Variants in PDE1C observed in about 807,000 individuals in gnomAD.
The protein encoded by PDE1C is phosphodiesterase 1C.
In PDE1C, 62 loss-of-function variants were observed where a neutral mutation model predicts 93.1. The observed-to-expected ratio is 0.67, with a 90% CI of 0.54 to 0.82. The LOEUF (loss-of-function observed/expected upper bound fraction) is 0.82, where lower values mean the gene tolerates loss of function less well. PDE1C is among the 40% of genes least tolerant of loss of function. The pLI is 0.00. For synonymous variants in PDE1C, 325 were observed against 310.1 expected (o/e 1.05, Z -0.50); for missense variants, 742 against 884.6 (o/e 0.84, Z 2.04).
chr7:32,285,586 G>A (rs186543276), intron 1 of PDE1C, among the ~76,000 whole-genome samples: 2 of 151,844 alleles, frequency 1.3e-5, no homozygotes, highest in Non-Finnish European at 2.9e-5. Flanking sequence ...TTGTTGAATT[G>A]TACTCTTAAA....
intron 2 of PDE1C, among the ~76,000 whole-genome samples, chr7:31,898,403 G>T (rs933903711): frequency 6.6e-6 from 1 of 152,014 alleles, no homozygotes; most frequent in Non-Finnish European, 1.5e-5. Context: ...TTGATAGTAT[G>T]CTTTAACACT....
chr7:32,009,625 T>C (rs1786798367), intron 2 of PDE1C, among the ~76,000 whole-genome samples: 1 of 152,234 alleles, frequency 6.6e-6, no homozygotes, highest in Non-Finnish European at 1.5e-5. Context: ...AGATCAGCAA[T>C]GAGACAAGGA....
intron 2 of PDE1C, among the ~76,000 whole-genome samples, chr7:31,972,215 T>A (rs1178532717): frequency 6.6e-6 from 1 of 152,246 alleles, no homozygotes. Context: ...TAAAAGGGAA[T>A]AGAACATTGT....
chr7:31,985,785 G>A (rs1783323046), intron 2 of PDE1C, among the ~76,000 whole-genome samples: 1 of 152,162 alleles, frequency 6.6e-6, no homozygotes, highest in African/African-American at 2.4e-5. Context: ...ATTCCATGGT[G>A]TATGTGTGTC....
intron 5 of PDE1C, among the ~76,000 whole-genome samples, chr7:31,873,883 C>T (rs562814735): frequency 2.0e-5 from 3 of 152,336 alleles, no homozygotes; most frequent in Admixed American, 6.5e-5. Flanking sequence ...TAATTCACTA[C>T]AGCCTACGAT....
At chr7:32,122,019 G>C (rs1799327887) in intron 3 of PDE1C, among the ~76,000 whole-genome samples, 1 of 152,188 alleles carries the variant, frequency 6.6e-6, no homozygotes, top group South Asian at 2.1e-4. Flanking sequence ...TAAGGGGAAG[G>C]AGGAAAATTT....
chr7:32,409,695 C>T (rs1023494035), intron 1 of PDE1C, among the ~76,000 whole-genome samples: 1 of 151,972 alleles, frequency 6.6e-6, no homozygotes. Flanking sequence ...ATTTGACAAA[C>T]CTCAACTCCT....
intron 7 of PDE1C, among the ~76,000 whole-genome samples, chr7:31,855,219 A>G (rs1793863397): frequency 6.6e-6 from 1 of 152,004 alleles, no homozygotes; most frequent in South Asian, 2.1e-4. Context: ...GCTCTGGGGG[A>G]AAATCTGCTC....
intron 2 of PDE1C, among the ~76,000 whole-genome samples, chr7:31,893,144 G>A (rs919423773): frequency 2.0e-5 from 3 of 152,170 alleles, no homozygotes; most frequent in African/African-American, 7.2e-5. Flanking sequence ...AAGGGAGTGA[G>A]GGAGTGAGGG....
the PDE1C span, among the ~76,000 whole-genome samples, chr7:31,706,737 C>A: frequency 6.6e-6 from 1 of 152,194 alleles, no homozygotes; most frequent in African/African-American, 2.4e-5. Context: ...CATTTACTTG[C>A]TCTGGGTTAA....
the PDE1C span, among the ~76,000 whole-genome samples, chr7:31,723,613 A>G: frequency 6.6e-6 from 1 of 152,172 alleles, no homozygotes; most frequent in Non-Finnish European, 1.5e-5. Context: ...CAGGGCAGTC[A>G]GGTCCTTCCA....
the PDE1C span, chr7:31,696,875 T>A: frequency 7.1e-7 from 1 of 1,410,950 alleles, no homozygotes. Context: ...TTGACTGTCT[T>A]CACCAGATGT....
chr7:32,270,044 G>A (rs965789201), intron 1 of PDE1C, among the ~76,000 whole-genome samples: 1 of 152,106 alleles, frequency 6.6e-6, no homozygotes, highest in Non-Finnish European at 1.5e-5. Context: ...CCAAAATGCT[G>A]GGATTACAGG....
chr7:31,675,176 A>AT, the PDE1C span, among the ~76,000 whole-genome samples: 2 of 152,084 alleles, frequency 1.3e-5, no homozygotes, highest in South Asian at 2.1e-4. Context: ...GATGTGGTTG[A>AT]TTTTTTGGCC....
chr7:32,130,701 C>T (rs546664655), intron 3 of PDE1C, among the ~76,000 whole-genome samples: 37 of 152,176 alleles, frequency 2.4e-4, no homozygotes, highest in African/African-American at 7.5e-4. Context: ...GACTCCCACA[C>T]GCCTCTCCTT....
Position 31,880,782 on chromosome 7 carries a change from G to A in PDE1C, c.207C>T (p.Ala69=), listed in dbSNP as rs61729940. The change falls in exon 3 of 18, where the codon GCC becomes GCT. Residue 69 remains alanine, a synonymous_variant. Transcript: ENST00000396191. The stretch of plus-strand genomic sequence containing the variant: ...CAATATACACAGATTCAAGCACTGT[G>A]GCTGCATATTCCAAATTCTTCTTAA... ...VDLKKNLEYA[A]TVLESVYIDE... is the part of the protein sequence containing the mutation. 0.11 allele frequency: 170,403 copies of A among 1,605,504 alleles called. 10,121 individuals are homozygous for A. The highest frequency in any genetic ancestry group is 0.17 in the East Asian group (7,662 of 44,726).
chr7:32,334,083 T>C (rs978065083), intron 1 of PDE1C, among the ~76,000 whole-genome samples: 7 of 152,156 alleles, frequency 4.6e-5, no homozygotes, highest in Non-Finnish European at 1.0e-4. Context: ...CAATTAATGA[T>C]TGAATGAAAA....
chr7:31,750,537 C>T (rs996610861), downstream of PDE1C, among the ~76,000 whole-genome samples: 1 of 152,266 alleles, frequency 6.6e-6, no homozygotes, highest in African/African-American at 2.4e-5. Context: ...ATTTATTGAG[C>T]CCTTGCTGTA....
intron 1 of PDE1C, among the ~76,000 whole-genome samples, chr7:32,353,333 G>A (rs1783966530): frequency 7.4e-5 from 1 of 13,572 alleles, no homozygotes; most frequent in African/African-American, 1.0e-4. Flanking sequence ...TTGGGAGAGT[G>A]TATGTGTCGA....
Sources: gnomAD v4.1 joint callset for allele counts (sites outside exome capture counted in the v4.1 genomes callset) on GRCh38, gnomAD v4.1.1 for gene constraint, MANE v1.5 for transcripts, NCBI Gene and HGNC (gene_info 2026-07-23, HGNC 2026-07-21) for gene names.